UST: variants seen among roughly 807,000 people sequenced by gnomAD.
UST encodes the protein uronyl 2-sulfotransferase.
A neutral mutation model predicts 45.6 loss-of-function variants in UST; 21 were observed. The ratio of observed to expected loss-of-function variants is 0.46; its 90% CI spans 0.33 to 0.66. The LOEUF is 0.66. UST is among the 30% of genes least tolerant of loss of function. The probability of loss-of-function intolerance (pLI) is 0.02; values close to 1 mark genes in which losing one functional copy is unlikely to be tolerated. For synonymous variants in UST, 215 were observed against 200.6 expected (o/e 1.07, Z -0.61); for missense variants, 463 against 512.4 (o/e 0.90, Z 0.93).
At chr6:148,883,493 T>C (rs2114839394) in intron 1 of UST, among the ~76,000 whole-genome samples, 1 of 152,336 alleles carries the variant, frequency 6.6e-6, no homozygotes, top group East Asian at 1.9e-4. Context: ...CAGACTGGAC[T>C]TCCTGTTTCC....
intron 1 of UST, among the ~76,000 whole-genome samples, chr6:148,859,653 C>G (rs1778269595): frequency 6.6e-6 from 1 of 152,182 alleles, no homozygotes; most frequent in South Asian, 2.1e-4. Flanking sequence ...TTTAATCCAT[C>G]TCGAATTAAT....
intron 7 of UST, among the ~76,000 whole-genome samples, chr6:149,026,831 C>T (rs1164557984): frequency 1.3e-5 from 2 of 152,174 alleles, no homozygotes; most frequent in African/African-American, 2.4e-5. Flanking sequence ...ATTTTCAACA[C>T]GTTTCCATTA....
chr6:149,062,393 A>G (rs575946335), intron 7 of UST, among the ~76,000 whole-genome samples: 1 of 152,400 alleles, frequency 6.6e-6, no homozygotes, highest in East Asian at 1.9e-4. Flanking sequence ...CCAGTCTTGC[A>G]GATGGATTTA....
intron 2 of UST, among the ~76,000 whole-genome samples, chr6:148,939,479 G>A (rs1216603553): frequency 6.6e-6 from 1 of 152,182 alleles, no homozygotes; most frequent in Non-Finnish European, 1.5e-5. Flanking sequence ...TAATAAGACT[G>A]TGTGGTACTG....
At chr6:148,819,170 G>C (rs756094030) in intron 1 of UST, among the ~76,000 whole-genome samples, 1 of 152,126 alleles carries the variant, frequency 6.6e-6, no homozygotes, top group Non-Finnish European at 1.5e-5. Context: ...TTCAATTTAG[G>C]TTGCTTTTCA....
At chr6:148,839,857 G>A (rs541373557) in intron 1 of UST, among the ~76,000 whole-genome samples, 1 of 152,108 alleles carries the variant, frequency 6.6e-6, no homozygotes, top group Non-Finnish European at 1.5e-5. Flanking sequence ...GTACAGAGAA[G>A]GTAAAAAGGG....
At chr6:148,936,168 G>A (rs60626199) in intron 2 of UST, among the ~76,000 whole-genome samples, 2,512 of 152,264 alleles carry the variant, frequency 0.016, 83 homozygotes, top group African/African-American at 0.058. Context: ...ATATTTCTGG[G>A]CTTCAGTTTA....
chr6:148,789,411 A>G (rs1776793628), intron 1 of UST, among the ~76,000 whole-genome samples: 1 of 150,832 alleles, frequency 6.6e-6, no homozygotes, highest in Non-Finnish European at 1.5e-5. Context: ...GCAAGGATCT[A>G]GAGTTCTTGT....
chr6:148,927,468 G>T (rs1779838508), intron 2 of UST, among the ~76,000 whole-genome samples: 4 of 152,146 alleles, frequency 2.6e-5, no homozygotes, highest in Non-Finnish European at 5.9e-5. Flanking sequence ...ACAGTCATTT[G>T]TCCTACAGTG....
intron 5 of UST, among the ~76,000 whole-genome samples, chr6:148,968,005 TC>T (rs1483610434): frequency 6.6e-6 from 1 of 152,188 alleles, no homozygotes; most frequent in Non-Finnish European, 1.5e-5. Flanking sequence ...GAGGACTCTC[TC>T]ATTTTACAGG....
At chr6:148,874,560 T>G (rs769472582) in intron 1 of UST, among the ~76,000 whole-genome samples, 1 of 152,340 alleles carries the variant, frequency 6.6e-6, no homozygotes, top group South Asian at 2.1e-4. Context: ...ATGTTTGCCT[T>G]TGTTAACCGG....
At position 148,999,351 on chromosome 6, in the gene UST, A is replaced by G. The variant is rs183166184; in HGVS notation, c.682-19788A>G. Among the ~76,000 whole-genome samples the G allele has an allele frequency of 1.9e-4, 29 of 152,368 alleles. 1 individual carries two copies. The highest frequency in any genetic ancestry group is 1.8e-3 in the Admixed American group (27 of 15,310). On this transcript the variant is annotated intron_variant, in intron 5 of 7. Transcript: ENST00000367463. ...TTCAAAGACCACTTTTAGAAACTAT[A>G]ATAGAACACCTATCTGGCACTGGGT...
chr6:148,983,592 G>A (rs1781179769), intron 5 of UST, among the ~76,000 whole-genome samples: 1 of 152,206 alleles, frequency 6.6e-6, no homozygotes, highest in Admixed American at 6.5e-5. Context: ...GTTAACTCCT[G>A]CTATCATGCT....
intron 1 of UST, among the ~76,000 whole-genome samples, chr6:148,838,327 C>T (rs1777828270): frequency 6.6e-6 from 1 of 152,128 alleles, no homozygotes; most frequent in Non-Finnish European, 1.5e-5. Context: ...AGTGTGGGGA[C>T]AGTGCCAGGA....
At chr6:148,896,382 T>C (rs1053596369) in intron 2 of UST, among the ~76,000 whole-genome samples, 10 of 152,224 alleles carry the variant, frequency 6.6e-5, no homozygotes, top group Admixed American at 6.5e-4. Context: ...AATTGTGTTG[T>C]GTGCAGGGCC....
chr6:148,883,902 C>G (rs544387296), intron 1 of UST, among the ~76,000 whole-genome samples: 1 of 152,192 alleles, frequency 6.6e-6, no homozygotes, highest in South Asian at 2.1e-4. Context: ...GAGCCCGAGG[C>G]GGGCAGATCA....
intron 1 of UST, among the ~76,000 whole-genome samples, chr6:148,767,074 C>T (rs1456751902): frequency 6.6e-6 from 1 of 152,194 alleles, no homozygotes; most frequent in Non-Finnish European, 1.5e-5. Context: ...GCATTTCCAG[C>T]AAGCACCCAG....
intron 2 of UST, among the ~76,000 whole-genome samples, chr6:148,887,629 C>A (rs910690861): frequency 1.3e-5 from 2 of 152,206 alleles, no homozygotes; most frequent in African/African-American, 4.8e-5. Flanking sequence ...GAAAAGTGAG[C>A]AAACTAGAAC....
Position 148,964,545 on chromosome 6 carries a change from G to A in UST, c.663G>A (p.Arg221=). The A allele has an allele frequency of 6.2e-7, 1 of 1,613,828 alleles. No homozygotes were observed. Among genetic ancestry groups the A allele is most frequent in the Non-Finnish European group, 8.5e-7 (1 of 1,180,042 alleles). Residue 221 remains arginine, a synonymous_variant, in exon 5 of 8, where the codon AGG becomes AGA. Transcript: ENST00000367463. ...ACATGATCCGCACCCCCAGCATGAG[G>A]CAGGAGGAGCGCTACCTGGTAAGTC... ...QNHMIRTPSM[R]QEERYLDINE...
Sources: allele counts gnomAD v4.1 joint callset (sites outside exome capture counted in the v4.1 genomes callset), GRCh38; gene constraint gnomAD v4.1.1; transcripts MANE v1.5; gene names NCBI Gene and HGNC (gene_info 2026-07-23, HGNC 2026-07-21).